Variants in KCNAB1 observed in about 807,000 individuals in gnomAD.
KCNAB1 encodes voltage-gated potassium channel subunit beta-1.
Under a neutral mutation model 64.6 loss-of-function variants are expected in KCNAB1, and 35 were observed. The ratio of observed to expected loss-of-function variants is 0.54; its 90% CI spans 0.41 to 0.72. The LOEUF (loss-of-function observed/expected upper bound fraction) is 0.72. Ranked by LOEUF, KCNAB1 falls within the 30% of genes least tolerant of loss-of-function variation. KCNAB1 has a pLI of 0.00. For missense variants in KCNAB1, 401 were observed against 512.9 expected, an observed-to-expected ratio of 0.78 and a Z score of 2.11; for synonymous variants, 177 against 183.8, an observed-to-expected ratio of 0.96 and a Z score of 0.30.
rs928223116 is a variant in KCNAB1, at chr3:156,538,582, A to T, written c.*1835A>T. 2.6e-5 allele frequency: 4 copies of T among 152,262 alleles called. No homozygotes were observed. Among genetic ancestry groups the T allele is most frequent in the Non-Finnish European group, 5.9e-5 (4 of 68,052 alleles). The allele number at this position is 152,262 out of a possible 1,614,324, so 9.4% of individuals were successfully genotyped here. A position where few individuals can be genotyped will look rare whatever the true frequency, so the allele number is the denominator to read the frequency against. The stretch of plus-strand genomic sequence containing the variant: ...TTGATTTATTTGCTTAGAGTAATAA[A>T]AGCATTTTGTGCATTCAATCTTACA... On this transcript the variant is annotated 3_prime_UTR_variant, in exon 14 of 14. Coordinates refer to ENST00000490337, the MANE Select transcript of KCNAB1 (RefSeq NM_172160.3).
chr3:156,338,755 G>A (rs1435191413), intron 1 of KCNAB1, among the ~76,000 whole-genome samples: 1 of 152,082 alleles, frequency 6.6e-6, no homozygotes, highest in African/African-American at 2.4e-5. Flanking sequence ...TCTGCTTTCG[G>A]GAGTGCCAGC....
chr3:156,118,819 G>C (rs1279251446), upstream of KCNAB1, among the ~76,000 whole-genome samples: 1 of 152,142 alleles, frequency 6.6e-6, no homozygotes, highest in African/African-American at 2.4e-5. Flanking sequence ...ATTAAACTGG[G>C]GTGATTATCT....
chr3:156,445,850 ACTT>A (rs1477497959), intron 2 of KCNAB1, among the ~76,000 whole-genome samples: 38 of 152,200 alleles, frequency 2.5e-4, no homozygotes, highest in Admixed American at 2.0e-3. Context: ...AAATGGAATG[ACTT>A]CTTCTCCTTT....
chr3:156,140,071 G>C (rs1714617380), intron 1 of KCNAB1, among the ~76,000 whole-genome samples: 1 of 152,228 alleles, frequency 6.6e-6, no homozygotes, highest in East Asian at 1.9e-4. Flanking sequence ...GAAAATCTCA[G>C]ATTTGTGCTA....
intron 7 of KCNAB1, among the ~76,000 whole-genome samples, chr3:156,473,534 A>C (rs1057325879): frequency 6.6e-6 from 1 of 152,142 alleles, no homozygotes; most frequent in African/African-American, 2.4e-5. Context: ...TTTATAGGAG[A>C]AGGCATTAGA....
intron 1 of KCNAB1, among the ~76,000 whole-genome samples, chr3:156,133,457 A>G (rs550187617): frequency 1.3e-5 from 2 of 152,372 alleles, no homozygotes; most frequent in Admixed American, 1.3e-4. Flanking sequence ...CTTACATTTA[A>G]GGACATTCTT....
In KCNAB1 at chr3:156,462,820, C is replaced by T. The variant is rs143859297; in HGVS notation, c.483-882C>T. On this transcript the variant is annotated intron_variant, in intron 5 of 13. Coordinates refer to ENST00000490337, the MANE Select transcript of KCNAB1 (RefSeq NM_172160.3). Reference sequence around the variant, plus strand: ...AGACCAGTGCGATCAAATTACATACCGAGGGAAACCAAATTGCACTGAGAT... The same window carrying T: ...AGACCAGTGCGATCAAATTACATACTGAGGGAAACCAAATTGCACTGAGAT... 6.8e-3 allele frequency among the ~76,000 whole-genome samples: 1,040 copies of T among 152,246 alleles called. 7 individuals are homozygous for T. The highest frequency in any genetic ancestry group is 0.024 in the Middle Eastern group (7 of 294).
chr3:156,311,215 T>C (rs543654831), intron 1 of KCNAB1, among the ~76,000 whole-genome samples: 2 of 152,232 alleles, frequency 1.3e-5, no homozygotes, highest in African/African-American at 4.8e-5. Flanking sequence ...AGAAAAGTGA[T>C]TTAAACGTCA....
intron 1 of KCNAB1, among the ~76,000 whole-genome samples, chr3:156,324,597 T>G (rs758737106): frequency 1.3e-5 from 2 of 152,164 alleles, no homozygotes; most frequent in Non-Finnish European, 2.9e-5. Context: ...GATGGAGTTC[T>G]CAAGTTCGGA....
upstream of KCNAB1, chr3:156,118,402 C>G (rs1289097620): frequency 7.0e-6 from 3 of 431,340 alleles, no homozygotes; most frequent in Non-Finnish European, 1.4e-5. Flanking sequence ...CATGGTCTTT[C>G]TGACTTAACT....
chr3:156,472,796 G>C (rs1714025068), intron 7 of KCNAB1, among the ~76,000 whole-genome samples: 1 of 152,192 alleles, frequency 6.6e-6, no homozygotes, highest in Admixed American at 6.5e-5. Flanking sequence ...GATGAAGACT[G>C]TGTCTGTGCA....
rs141556004 is a variant in KCNAB1 at position 156,143,488 on chromosome 3, T to C, written c.275+22602T>C. 183 of 1,090,774 alleles carry C rather than the reference T, an allele frequency of 1.7e-4. 1 individual carries two copies. In the East Asian group the frequency reaches 4.4e-3, roughly 26 times the overall value. 67.6% of individuals were successfully genotyped at this position (1,090,774 alleles called of 1,614,324 possible). A position where few individuals can be genotyped will look rare whatever the true frequency, so the allele number is the denominator to read the frequency against. ...ATGTCAAAGGTTGTTATTAAAGAAA[T>C]AAGGACTGAAATAGCAAGACAAAAC... On this transcript the variant is annotated intron_variant, in intron 1 of 13. Coordinates refer to ENST00000490337, the MANE Select transcript of KCNAB1 (RefSeq NM_172160.3).
intron 7 of KCNAB1, among the ~76,000 whole-genome samples, chr3:156,466,777 A>C (rs1713421126): frequency 1.3e-5 from 2 of 152,108 alleles, no homozygotes; most frequent in African/African-American, 4.8e-5. Context: ...AGTCAACAAG[A>C]ACCATTATGT....
chr3:156,134,297 A>AT (rs1269569574), intron 1 of KCNAB1, among the ~76,000 whole-genome samples: 2 of 151,700 alleles, frequency 1.3e-5, no homozygotes, highest in African/African-American at 2.4e-5. Flanking sequence ...TTCCTCTATT[A>AT]TTTTTTCTGT....
At chr3:156,372,075 G>A (rs2108128623) in intron 1 of KCNAB1, among the ~76,000 whole-genome samples, 1 of 152,152 alleles carries the variant, frequency 6.6e-6, no homozygotes, top group African/African-American at 2.4e-5. Flanking sequence ...CTGGTTTAGA[G>A]GACCTTACTG....
chr3:156,507,492 TAA>T (rs1322018881), intron 8 of KCNAB1, among the ~76,000 whole-genome samples: 2 of 152,242 alleles, frequency 1.3e-5, no homozygotes, highest in African/African-American at 4.8e-5. Flanking sequence ...TTTATGATTA[TAA>T]GTTTCCAGTC....
intron 1 of KCNAB1, among the ~76,000 whole-genome samples, chr3:156,257,805 A>G (rs553808078): frequency 2.0e-5 from 3 of 152,296 alleles, no homozygotes; most frequent in African/African-American, 7.2e-5. Context: ...GGACCTGTCA[A>G]TCCTTTCTCT....
At chr3:156,131,255 G>A (rs1388659352) in intron 1 of KCNAB1, among the ~76,000 whole-genome samples, 1 of 152,214 alleles carries the variant, frequency 6.6e-6, no homozygotes, top group African/African-American at 2.4e-5. Flanking sequence ...GGAGATGGCA[G>A]TTGAAACAAC....
chr3:156,133,828 G>A lies in KCNAB1; in HGVS notation c.275+12942G>A, dbSNP rs13067220. Among the ~76,000 whole-genome samples the A allele has an allele frequency of 1.5e-3, 230 of 152,098 alleles. 1 individual carries two copies. The highest frequency in any genetic ancestry group is 6.8e-3 in the Middle Eastern group (2 of 292). On this transcript the variant is annotated intron_variant, in intron 1 of 13. Transcript: ENST00000490337. ...AATGCATGGGGGTTTGTGGGAATGC[G>A]AACCAATGAGGAAGCAGGTAAGAAA...
Sources: allele counts gnomAD v4.1 joint callset (sites outside exome capture counted in the v4.1 genomes callset), GRCh38; gene constraint gnomAD v4.1.1; transcripts MANE v1.5; gene names NCBI Gene and HGNC (gene_info 2026-07-23, HGNC 2026-07-21).